REDIC1: variants seen among roughly 807,000 people sequenced by gnomAD.
REDIC1 encodes the protein HEI10 Interacting Protein 1.
the REDIC1 span, chr12:39,682,887 G>A: frequency 3.7e-6 from 6 of 1,612,744 alleles, no homozygotes; most frequent in East Asian, 2.2e-5. Flanking sequence ...CATTTAACAA[G>A]TGTGATTATG....
chr12:39,848,326 T>C, the REDIC1 span, among the ~76,000 whole-genome samples: 3 of 151,998 alleles, frequency 2.0e-5, no homozygotes, highest in African/African-American at 7.2e-5. Flanking sequence ...TTAGCAAATT[T>C]ACAAAAGAAA....
At chr12:39,669,315 C>A in the REDIC1 span, among the ~76,000 whole-genome samples, 5 of 152,284 alleles carry the variant, frequency 3.3e-5, no homozygotes, top group South Asian at 1.0e-3. Context: ...TGCTGGAGGT[C>A]CACTCCAGAC....
chr12:39,640,375 G>A, the REDIC1 span, among the ~76,000 whole-genome samples: 4 of 151,798 alleles, frequency 2.6e-5, no homozygotes, highest in African/African-American at 7.3e-5. Context: ...AGAACTGTGA[G>A]GAATAAATTT....
chr12:39,794,600 A>T, the REDIC1 span, among the ~76,000 whole-genome samples: 1 of 152,196 alleles, frequency 6.6e-6, no homozygotes. Flanking sequence ...CAAAGAAGGC[A>T]AAGGCAGAGC....
the REDIC1 span, among the ~76,000 whole-genome samples, chr12:39,837,938 C>T: frequency 3.1e-3 from 468 of 151,082 alleles, 3 homozygotes; most frequent in Non-Finnish European, 4.6e-3. Context: ...TGTGGCGATT[C>T]CTCAGGGATC....
At chr12:39,719,091 G>T in the REDIC1 span, among the ~76,000 whole-genome samples, 2 of 151,974 alleles carry the variant, frequency 1.3e-5, no homozygotes, top group Non-Finnish European at 2.9e-5. Flanking sequence ...TAAAAGAACT[G>T]TACGTAGATT....
the REDIC1 span, among the ~76,000 whole-genome samples, chr12:39,893,939 T>C: frequency 1.3e-5 from 2 of 152,204 alleles, no homozygotes; most frequent in African/African-American, 4.8e-5. Flanking sequence ...CTTTCACAAT[T>C]AACGTGTTAG....
the REDIC1 span, among the ~76,000 whole-genome samples, chr12:39,830,658 A>G: frequency 1.3e-5 from 2 of 152,136 alleles, no homozygotes; most frequent in African/African-American, 4.8e-5. Context: ...CTATTTTAAA[A>G]AATGAAAATA....
chr12:39,881,328 T>TA, the REDIC1 span, among the ~76,000 whole-genome samples: 150 of 147,506 alleles, frequency 1.0e-3, no homozygotes, highest in East Asian at 2.4e-3. Flanking sequence ...TGGTTTATGT[T>TA]AAAAAAAAAA....
chr12:39,706,294 G>A, the REDIC1 span, among the ~76,000 whole-genome samples: 1 of 151,922 alleles, frequency 6.6e-6, no homozygotes, highest in Non-Finnish European at 1.5e-5. Context: ...AAACACTAAT[G>A]AAAGACTTTG....
chr12:39,776,098 T>C, the REDIC1 span, among the ~76,000 whole-genome samples: 1 of 152,312 alleles, frequency 6.6e-6, no homozygotes, highest in Admixed American at 6.5e-5. Flanking sequence ...TCTTCTTCCA[T>C]ATTGCTGTTC....
At chr12:39,643,294 A>G in the REDIC1 span, among the ~76,000 whole-genome samples, 1 of 151,720 alleles carries the variant, frequency 6.6e-6, no homozygotes, top group African/African-American at 2.4e-5. Context: ...TCATGGAGGG[A>G]TAACAAATAA....
chr12:39,727,290 T>C, the REDIC1 span, among the ~76,000 whole-genome samples: 5 of 152,092 alleles, frequency 3.3e-5, no homozygotes, highest in Non-Finnish European at 7.4e-5. Flanking sequence ...TTAAGTCTTA[T>C]GTTTAAGTCC....
At chr12:39,833,780 C>A in the REDIC1 span, among the ~76,000 whole-genome samples, 1 of 151,722 alleles carries the variant, frequency 6.6e-6, no homozygotes, top group East Asian at 1.9e-4. Context: ...CCACAAATTT[C>A]TTAGAAGATG....
At chr12:39,830,235 A>C in the REDIC1 span, 1 of 1,611,532 alleles carries the variant, frequency 6.2e-7, no homozygotes, top group Non-Finnish European at 8.5e-7. Flanking sequence ...GTAACTGAAA[A>C]ATGAAAAGAG....
At chr12:39,702,243 A>G in the REDIC1 span, among the ~76,000 whole-genome samples, 1 of 152,206 alleles carries the variant, frequency 6.6e-6, no homozygotes, top group Non-Finnish European at 1.5e-5. Context: ...AAAAAATGAT[A>G]AAGGGGATAT....
the REDIC1 span, among the ~76,000 whole-genome samples, chr12:39,776,534 A>G: frequency 1.3e-5 from 2 of 152,236 alleles, no homozygotes; most frequent in African/African-American, 4.8e-5. Flanking sequence ...GAAAGAGGAT[A>G]GAGTGACACA....
the REDIC1 span, chr12:39,646,954 A>C: frequency 9.3e-7 from 1 of 1,069,544 alleles, no homozygotes; most frequent in Non-Finnish European, 1.4e-6. Context: ...AATGATCTAA[A>C]TGTCTGAATA....
chr12:39,660,232 C>G, the REDIC1 span, among the ~76,000 whole-genome samples: 2 of 152,180 alleles, frequency 1.3e-5, no homozygotes, highest in Non-Finnish European at 2.9e-5. Context: ...AGGTCTTACT[C>G]TCTGAAACAC....
Sources: gnomAD v4.1 joint callset for allele counts (sites outside exome capture counted in the v4.1 genomes callset) on GRCh38, gnomAD v4.1.1 for gene constraint, MANE v1.5 for transcripts, NCBI Gene and HGNC (gene_info 2026-07-23, HGNC 2026-07-21) for gene names.